Variants in ADCY2 observed in about 807,000 individuals in gnomAD.
ADCY2 encodes adenylate cyclase 2, also known as adenylate cyclase type 2.
In ADCY2, 31 loss-of-function variants were observed where a neutral mutation model predicts 125.2. The observed-to-expected ratio is 0.25, with a 90% CI of 0.19 to 0.33. The LOEUF is 0.33. ADCY2 is among the 10% of genes least tolerant of loss of function. ADCY2 has a pLI of 1.00. For synonymous variants in ADCY2, 512 were observed against 548.4 expected (o/e 0.93, Z 0.93); for missense variants, 904 against 1,418.2 (o/e 0.64, Z 5.82).
At chr5:7,745,132 G>A (rs898904466) in intron 15 of ADCY2, among the ~76,000 whole-genome samples, 1 of 152,158 alleles carries the variant, frequency 6.6e-6, no homozygotes, top group East Asian at 1.9e-4. Flanking sequence ...TCAGGACAGC[G>A]CGATAGTGGC....
At chr5:7,458,319 A>G (rs944324006) in intron 2 of ADCY2, among the ~76,000 whole-genome samples, 10 of 152,224 alleles carry the variant, frequency 6.6e-5, no homozygotes, top group African/African-American at 1.9e-4. Context: ...TTAAATTATT[A>G]ATGAGAGTAA....
chr5:7,654,081 C>A (rs780655498), intron 4 of ADCY2: 1 of 456,188 alleles, frequency 2.2e-6, no homozygotes, highest in Admixed American at 2.3e-5. Context: ...GCATTTACCA[C>A]CCTGAGGCTG....
At chr5:7,693,958 C>T (rs1419900354) in intron 5 of ADCY2, among the ~76,000 whole-genome samples, 3 of 152,188 alleles carry the variant, frequency 2.0e-5, no homozygotes, top group Admixed American at 6.5e-5. Context: ...CATCCTTCCT[C>T]TTGCACAATG....
chr5:7,827,915 A>C lies in ADCY2; in HGVS notation c.*1044A>C, dbSNP rs1412431236. The C allele has an allele frequency of 6.6e-6, 1 of 152,590 alleles. No homozygotes were observed. Among genetic ancestry groups the C allele is most frequent in the African/African-American group, 2.4e-5 (1 of 41,476 alleles). 9.5% of individuals were successfully genotyped at this position (152,590 alleles called of 1,614,324 possible). ...GCTAACAGACATAGACTGCAAAAGA[A>C]TAATTTGGAATCAGCTATGCAAATC... On this transcript the variant is annotated 3_prime_UTR_variant, in exon 25 of 25. Transcript: ENST00000338316.
intron 2 of ADCY2, among the ~76,000 whole-genome samples, chr5:7,520,348 C>A (rs1017180556): frequency 6.6e-6 from 1 of 152,106 alleles, no homozygotes; most frequent in African/African-American, 2.4e-5. Context: ...ACCCTGTCCA[C>A]CCCCGTCCCC....
At chr5:7,407,626 T>G (rs1265661942) in intron 1 of ADCY2, among the ~76,000 whole-genome samples, 5 of 152,188 alleles carry the variant, frequency 3.3e-5, no homozygotes, top group Non-Finnish European at 2.9e-5. Flanking sequence ...GATGGGCATC[T>G]GTTGCTTCTG....
chr5:7,764,604 G>A (rs1456599174), intron 16 of ADCY2, among the ~76,000 whole-genome samples: 1 of 152,160 alleles, frequency 6.6e-6, no homozygotes, highest in African/African-American at 2.4e-5. Context: ...TGTAAAATTT[G>A]CAAGTAAACT....
intron 2 of ADCY2, among the ~76,000 whole-genome samples, chr5:7,451,104 A>G (rs553661279): frequency 3.2e-4 from 49 of 152,370 alleles, no homozygotes; most frequent in Admixed American, 9.8e-4. Flanking sequence ...TCTGCAGCCT[A>G]TGAATCAAGG....
intron 4 of ADCY2, among the ~76,000 whole-genome samples, chr5:7,668,485 T>C (rs1739830384): frequency 6.6e-6 from 1 of 152,244 alleles, no homozygotes. Context: ...TTTCTGTTTC[T>C]CTGGAGAACT....
Position 7,811,494 on chromosome 5 carries a change from C to G in ADCY2, c.2884-5372C>G, listed in dbSNP as rs1279216184. 4.1e-5 allele frequency among the ~76,000 whole-genome samples: 6 copies of G among 145,370 alleles called. No homozygotes were observed. The East Asian group carries it at 9.7e-4, about 24-fold the overall frequency. ...CCAGCCTGGGCAACAGAGCGAGACT[C>G]TGTCTCAAAAAAAAAAAGAAAAAAA... On this transcript the variant is annotated intron_variant, in intron 22 of 24. Transcript: ENST00000338316.
chr5:7,396,282 C>G lies in ADCY2; in HGVS notation c.-15C>G. 8.4e-7 allele frequency: 1 copy of G among 1,195,890 alleles called. No individual in the cohort carries two copies. Among genetic ancestry groups the G allele is most frequent in the Admixed American group, 4.8e-5 (1 of 20,848 alleles). 74.1% of individuals were successfully genotyped at this position (1,195,890 alleles called of 1,614,324 possible). A position where few individuals can be genotyped will look rare whatever the true frequency, so the allele number is the denominator to read the frequency against. ...GGGCCGGGCGCGCACGGCGGGCGCC[C>G]TGTGAGCGGCCCCGATGTGGCAGGA... On this transcript the variant is annotated 5_prime_UTR_variant, in exon 1 of 25. Coordinates refer to ENST00000338316, the MANE Select transcript of ADCY2 (RefSeq NM_020546.3). This position sits in a 1 kb window ranked among gnomAD's most constrained non-coding sequence, Gnocchi z 5.7.
At chr5:7,738,518 G>C (rs1055965767) in intron 14 of ADCY2, among the ~76,000 whole-genome samples, 1 of 151,852 alleles carries the variant, frequency 6.6e-6, no homozygotes, top group Non-Finnish European at 1.5e-5. Flanking sequence ...ACAAATAAAA[G>C]CAATGGGGCA....
chr5:7,594,511 A>C (rs950954238), intron 3 of ADCY2, among the ~76,000 whole-genome samples: 1 of 152,218 alleles, frequency 6.6e-6, no homozygotes, highest in African/African-American at 2.4e-5. Flanking sequence ...TTTTGCTGAA[A>C]TGTCCCAGTT....
chr5:7,689,388 A>G (rs1182752959), intron 4 of ADCY2, among the ~76,000 whole-genome samples: 3 of 152,250 alleles, frequency 2.0e-5, no homozygotes, highest in African/African-American at 4.8e-5. Flanking sequence ...TTCTGAATAA[A>G]TGAATAAGCG....
chr5:7,472,685 A>G (rs1485772920), intron 2 of ADCY2, among the ~76,000 whole-genome samples: 1 of 152,082 alleles, frequency 6.6e-6, no homozygotes, highest in Non-Finnish European at 1.5e-5. Context: ...TCCTTTAGCT[A>G]GGCTGGTAGT....
intron 17 of ADCY2, among the ~76,000 whole-genome samples, chr5:7,768,352 G>T (rs1239851222): frequency 1.3e-5 from 2 of 152,142 alleles, no homozygotes; most frequent in Admixed American, 6.5e-5. Flanking sequence ...CTTTTTTAGA[G>T]AAATATTTAA....
At chr5:7,776,889 C>T (rs1372641658) in intron 18 of ADCY2, among the ~76,000 whole-genome samples, 4 of 152,156 alleles carry the variant, frequency 2.6e-5, no homozygotes, top group African/African-American at 9.7e-5. Context: ...GCAGTATCTC[C>T]AGGGTTCTTA....
chr5:7,564,358 G>A (rs1422565505), intron 3 of ADCY2, among the ~76,000 whole-genome samples: 1 of 152,204 alleles, frequency 6.6e-6, no homozygotes, highest in Admixed American at 6.5e-5. Flanking sequence ...TACTTACTGA[G>A]AAGTTCAAGG....
chr5:7,696,001 T>C, intron 6 of ADCY2, 138 bp downstream of exon 6: 5 of 568,562 alleles, frequency 8.8e-6, no homozygotes, highest in Non-Finnish European at 1.5e-5. Flanking sequence ...TTGGATTTCT[T>C]TGCTATTGAT....
Sources: gnomAD v4.1 joint callset for allele counts (sites outside exome capture counted in the v4.1 genomes callset) on GRCh38, gnomAD v4.1.1 for gene constraint, Gnocchi (gnomAD v3.1) non-coding constraint, MANE v1.5 for transcripts, NCBI Gene and HGNC (gene_info 2026-07-23, HGNC 2026-07-21) for gene names.